The following STK11 variants were observed in gnomAD, a reference collection of about 807,000 sequenced individuals.
The protein encoded by STK11 is serine/threonine-protein kinase STK11.
STK11 carries 8 observed loss-of-function variants against 47.3 expected under a neutral mutation model. That is an observed-to-expected ratio of 0.17 (90% CI 0.10 to 0.31). The LOEUF is 0.31. Ranked by LOEUF, STK11 falls within the 10% of genes least tolerant of loss-of-function variation. STK11 has a pLI of 1.00. For missense variants in STK11, 475 were observed against 605.0 expected (o/e 0.79, Z 2.25); for synonymous variants, 330 against 255.8 (o/e 1.29, Z -2.77).
At chr19:1,222,954 G>A (rs1205248784) in intron 7 of STK11, 31 bp from the exon 8 acceptor site, 4 of 1,518,998 alleles carry the variant, frequency 2.6e-6, no homozygotes, top group Non-Finnish European at 3.5e-6. Flanking sequence ...GTGCCAGCCT[G>A]ACAGGCGCCA....
chr19:1,223,076 G>A lies in STK11; in HGVS notation c.1012G>A (p.Val338Met), dbSNP rs587782302. The A allele has an allele frequency of 2.9e-5, 46 of 1,608,392 alleles. No homozygotes were observed. The highest frequency in any genetic ancestry group is 3.2e-5 in the Non-Finnish European group (38 of 1,178,152). Residue 338 changes from valine to methionine, a missense_variant, in exon 8 of 10, where the codon GTG becomes ATG. Around this residue, in one of 5 missense-constraint regions of STK11, gnomAD observed 219 missense variants for 189.2 expected, o/e 1.16. Coordinates refer to ENST00000326873, the MANE Select transcript of STK11 (RefSeq NM_000455.5). ...GGACCGGTGGCGCAGCATGACTGTG[G>A]TGCCGTACTTGGAGGACCTGCACGG... Reference protein sequence around the residue: ...TKDRWRSMTVVPYLEDLHGAD... With the variant: ...TKDRWRSMTVMPYLEDLHGAD...
At chr19:1,217,994 A>G (rs1041997856) in intron 1 of STK11, among the ~76,000 whole-genome samples, 32 of 152,182 alleles carry the variant, frequency 2.1e-4, no homozygotes, top group African/African-American at 7.5e-4. Context: ...ATACAAAAAA[A>G]TTAGCCGGCT....
In STK11 at chr19:1,220,670, C is replaced by T. The variant is rs770545562; in HGVS notation, c.687C>T (p.Asp229=). The T allele has an allele frequency of 1.9e-6, 3 of 1,611,068 alleles. No individual in the cohort carries two copies. The South Asian group carries it at 3.3e-5, about 18-fold the overall frequency. Residue 229 remains aspartate (D), a synonymous_variant, in exon 5 of 10, where the codon GAC becomes GAT. Transcript: ENST00000326873. The stretch of plus-strand genomic sequence containing the variant: ...CGCCCGAGATTGCCAACGGCCTGGA[C>T]ACCTTCTCCGGCTTCAAGGTGGACA... The part of the protein sequence containing the change: ...FQPPEIANGL[D]TFSGFKVDIW...
Position 1,206,925 on chromosome 19 carries a change from G to A in STK11, c.12G>A (p.Val4=), listed in dbSNP as rs1379886566. The part of the protein sequence containing the change: MEV[V]DPQQLGMFTE... ...ACCCTGGGTCCAGCATGGAGGTGGT[G>A]GACCCGCAGCAGCTGGGCATGTTCA... The change falls in exon 1 of 10, where the codon GTG becomes GTA. Residue 4 remains valine (V), a synonymous_variant. Transcript: ENST00000326873. 6.3e-7 allele frequency: 1 copy of A among 1,585,524 alleles called. No individual in the cohort carries two copies. The highest frequency in any genetic ancestry group is 1.8e-5 in the Admixed American group (1 of 55,480).
In STK11 at chr19:1,213,554, G is replaced by A. The variant is rs556566596; in HGVS notation, c.291-4863G>A. Among the ~76,000 whole-genome samples the A allele has an allele frequency of 2.0e-5, 3 of 152,214 alleles. 1 individual carries two copies. The highest frequency in any genetic ancestry group is 4.1e-4 in the South Asian group (2 of 4,832). ...GCCTTTTGCGTCCGGCTTGTCTCAC[G>A]GAGTGTGCTGTCCTCAAGGGGCATC... On this transcript the variant is annotated intron_variant, in intron 1 of 9. Coordinates refer to ENST00000326873, the MANE Select transcript of STK11 (RefSeq NM_000455.5).
Position 1,220,466 on chromosome 19 carries a change from C to A in STK11, c.558C>A (p.Thr186=), listed in dbSNP as rs749563734. The change falls in exon 4 of 10, where the codon ACC becomes ACA. Residue 186 remains threonine (T), a synonymous_variant. Coordinates refer to ENST00000326873, the MANE Select transcript of STK11 (RefSeq NM_000455.5). ...DIKPGNLLLT[T]GGTLKISDLG... ...AGCCGGGGAACCTGCTGCTCACCAC[C>A]GGTGGCACCCTCAAAATCTCCGACC... is the stretch of plus-strand genomic sequence containing the variant. The A allele has an allele frequency of 1.2e-6, 2 of 1,607,014 alleles. No homozygotes were observed. The highest frequency in any genetic ancestry group is 1.7e-6 in the Non-Finnish European group (2 of 1,177,234).
chr19:1,220,272 C>G, intron 3 of STK11, 101 bp from the exon 4 acceptor site: 1 of 1,452,254 alleles, frequency 6.9e-7, no homozygotes, highest in Non-Finnish European at 9.3e-7. Context: ...GACTTCCCAG[C>G]TGGGCCTGTG....
intron 8 of STK11, chr19:1,224,928 C>G (rs981578990): frequency 3.8e-5 from 37 of 985,494 alleles, no homozygotes; most frequent in Non-Finnish European, 3.9e-5. Flanking sequence ...CTGCAGAGCC[C>G]CCTTGCGTTG....
At chr19:1,225,803 C>G in intron 8 of STK11, 1 of 985,658 alleles carries the variant, frequency 1.0e-6, no homozygotes, top group Admixed American at 6.1e-5. Flanking sequence ...CACGGCTCCT[C>G]GCAGGGACAG....
chr19:1,224,129 A>G, intron 8 of STK11: 1 of 989,688 alleles, frequency 1.0e-6, no homozygotes, highest in Non-Finnish European at 1.2e-6. Context: ...GGCTCAGCTC[A>G]GTAGCTGGTC....
At chr19:1,221,752 AGCC>A in intron 6 of STK11, 194 bp from the exon 7 acceptor site, 1 of 641,664 alleles carries the variant, frequency 1.6e-6, no homozygotes, top group Non-Finnish European at 2.7e-6. Flanking sequence ...TCTCCCTGCC[AGCC>A]GCGCACAGGC....
At chr19:1,225,673 G>T (rs953950555) in intron 8 of STK11, 16 of 985,472 alleles carry the variant, frequency 1.6e-5, no homozygotes, top group African/African-American at 1.7e-5. Context: ...CGGAGCTGGG[G>T]CTCTGCACTG....
In STK11 at chr19:1,219,562, T is replaced by C. The variant is rs554234651; in HGVS notation, c.464+149T>C. 81 of 832,564 alleles carry C rather than the reference T, an allele frequency of 9.7e-5. No individual in the cohort carries two copies. The Middle Eastern group carries it at 2.6e-3, about 26-fold the overall frequency. 51.6% of individuals were successfully genotyped at this position (832,564 alleles called of 1,614,324 possible). On this transcript the variant is annotated intron_variant, in intron 3 of 9. Transcript: ENST00000326873. ...TTTTTTTGTTTTTTTGTGTTTTTTT[T>C]CGAGATGGAGTCTCACTCTGTCGCC...
chr19:1,227,002 G>A (rs933168699), intron 9 of STK11: 20 of 316,610 alleles, frequency 6.3e-5, no homozygotes, highest in Admixed American at 1.6e-4. Context: ...TTCCAGGAAA[G>A]GCTTATGCTG....
intron 8 of STK11, chr19:1,225,101 C>A: frequency 1.0e-6 from 1 of 986,034 alleles, no homozygotes; most frequent in Non-Finnish European, 1.2e-6. Flanking sequence ...TGGGCTAGAT[C>A]CTGGGCACCA....
At chr19:1,223,819 C>T (rs925736557) in intron 8 of STK11, 14 of 1,031,690 alleles carry the variant, frequency 1.4e-5, no homozygotes, top group Middle Eastern at 4.5e-4. Flanking sequence ...GCCATGCTCC[C>T]GGCTTGGCTG....
chr19:1,227,505 C>G lies in STK11; in HGVS notation c.*17-88C>G, dbSNP rs1440841232. 6 of 1,057,942 alleles carry G rather than the reference C, an allele frequency of 5.7e-6. No individual in the cohort carries two copies. The African/African-American group carries it at 8.2e-5, about 15-fold the overall frequency. The allele number at this position is 1,057,942 out of a possible 1,614,324, so 65.5% of individuals were successfully genotyped here. On this transcript the variant is annotated intron_variant, in intron 9 of 9. Coordinates refer to ENST00000326873, the MANE Select transcript of STK11 (RefSeq NM_000455.5). ...GGAGTCCGGTAGCCCCATGACTGTA[C>G]CTCAGCTTCTCCATCCTCCCAGGGG...
rs7245482 is a variant in STK11 at position 1,224,471 on chromosome 19, G to A, written c.1108+1299G>A. 7.1e-3 allele frequency: 6,967 copies of A among 985,386 alleles called. 341 individuals are homozygous for A. In the African/African-American group the frequency reaches 0.11, roughly 15 times the overall value. 61.0% of individuals were successfully genotyped at this position (985,386 alleles called of 1,614,324 possible). A position where few individuals can be genotyped will look rare whatever the true frequency, so the allele number is the denominator to read the frequency against. On this transcript the variant is annotated intron_variant, in intron 8 of 9. Transcript: ENST00000326873. ...GGCCCAGGGTCTTCTGCCTTTCAGA[G>A]CCCTGGTGCCCTGAGACGGGCAGCC...
rs998673464 is a variant in STK11 at position 1,206,236 on chromosome 19, G to A, written c.-678G>A. 1.5e-5 allele frequency: 3 copies of A among 194,396 alleles called. No individual in the cohort carries two copies. In the East Asian group the frequency reaches 2.4e-4, roughly 15 times the overall value. 12.0% of individuals were successfully genotyped at this position (194,396 alleles called of 1,614,324 possible). A position where few individuals can be genotyped will look rare whatever the true frequency, so the allele number is the denominator to read the frequency against. On this transcript the variant is annotated 5_prime_UTR_variant, in exon 1 of 10. Transcript: ENST00000326873. ...CGGGCGCCGGGCAGCGACCAGCCCTGAGCGGAGCTGTTGGCCGCGGCGGGA... is the reference window on the plus strand; with the variant it reads ...CGGGCGCCGGGCAGCGACCAGCCCTAAGCGGAGCTGTTGGCCGCGGCGGGA...
Sources: gnomAD v4.1 joint callset for allele counts (sites outside exome capture counted in the v4.1 genomes callset) on GRCh38, gnomAD v4.1.1 for gene constraint, gnomAD v4.1.1 regional missense constraint, MANE v1.5 for transcripts, NCBI Gene and HGNC (gene_info 2026-07-23, HGNC 2026-07-21) for gene names.